The following ARL13B variants were observed in gnomAD, a reference collection of about 807,000 sequenced individuals.
ARL13B encodes the protein ARF like GTPase 13B, also known as ADP-ribosylation factor-like protein 13B.
In ARL13B, 36 loss-of-function variants were observed where a neutral mutation model predicts 56.1. The ratio of observed to expected loss-of-function variants is 0.64; its 90% CI spans 0.49 to 0.85. The LOEUF (loss-of-function observed/expected upper bound fraction) is 0.85. Among genes scored for constraint, ARL13B ranks in the 40% least tolerant of loss-of-function variants. The pLI is 0.00. For synonymous variants in ARL13B, 178 were observed against 171.1 expected, an observed-to-expected ratio of 1.04 and a Z score of -0.32; for missense variants, 519 against 507.1, an observed-to-expected ratio of 1.02 and a Z score of -0.23.
chr3:94,009,006 A>G (rs1452897062), intron 3 of ARL13B, among the ~76,000 whole-genome samples: 2 of 152,088 alleles, frequency 1.3e-5, no homozygotes, highest in Non-Finnish European at 2.9e-5. Context: ...GAGCATTCCA[A>G]TTAAAAAGTT....
intron 3 of ARL13B, among the ~76,000 whole-genome samples, chr3:94,015,603 A>G (rs879395474): frequency 1.3e-5 from 2 of 152,240 alleles, no homozygotes; most frequent in Non-Finnish European, 2.9e-5. Flanking sequence ...AATGCTTTTG[A>G]CTATACCTTC....
rs2077055401 is a variant in ARL13B, at chr3:94,050,857, C to CA, written c.1179dup (p.Leu394ThrfsTer2). ...GGAACCCCTAAAGTCACTAGACTTC[C>CA]AAAACTTGAGCCTCTTGGTGAAACA... On this transcript the variant is annotated frameshift_variant, in exon 9 of 10. Coordinates refer to ENST00000394222, the MANE Select transcript of ARL13B (RefSeq NM_001174150.2). LOFTEE classifies it high-confidence loss of function. 1.9e-6 allele frequency: 3 copies of CA among 1,612,776 alleles called. No individual in the cohort carries two copies.
intron 6 of ARL13B, among the ~76,000 whole-genome samples, chr3:94,042,256 C>T (rs182633098): frequency 6.6e-6 from 1 of 151,954 alleles, no homozygotes; most frequent in African/African-American, 2.4e-5. Flanking sequence ...GCCTGAGGTT[C>T]ATTGATTCAT....
intron 3 of ARL13B, among the ~76,000 whole-genome samples, chr3:94,018,736 C>T (rs13100168): frequency 0.081 from 12,319 of 152,136 alleles, 624 homozygotes; most frequent in Middle Eastern, 0.19. Flanking sequence ...CTCTATTTTT[C>T]CAGTTGCTCA....
chr3:94,042,969 A>C (rs775171512), intron 6 of ARL13B, 46 bp from the exon 7 acceptor site: 1 of 1,466,990 alleles, frequency 6.8e-7, no homozygotes, highest in Admixed American at 2.0e-5. Context: ...AAACTATCTT[A>C]GATAAAACCA....
chr3:94,026,261 T>G (rs570126021), intron 3 of ARL13B, among the ~76,000 whole-genome samples: 2 of 152,208 alleles, frequency 1.3e-5, no homozygotes, highest in African/African-American at 4.8e-5. Flanking sequence ...ACTCTAAAAT[T>G]TAGTGATGTT....
At chr3:94,019,428 C>T (rs938883372) in intron 3 of ARL13B, among the ~76,000 whole-genome samples, 1 of 152,092 alleles carries the variant, frequency 6.6e-6, no homozygotes, top group Admixed American at 6.5e-5. Flanking sequence ...AACTCTTGAC[C>T]TCATGATCCG....
intron 3 of ARL13B, among the ~76,000 whole-genome samples, chr3:94,022,880 T>TACCAAAG (rs2076478595): frequency 6.6e-6 from 1 of 152,060 alleles, no homozygotes; most frequent in Non-Finnish European, 1.5e-5. Flanking sequence ...CCTGCTTAAT[T>TACCAAAG]TTGTACATAC....
At chr3:94,045,959 A>G (rs1163518146) in intron 7 of ARL13B, among the ~76,000 whole-genome samples, 2 of 146,038 alleles carry the variant, frequency 1.4e-5, no homozygotes, top group South Asian at 2.2e-4. Context: ...ACAAAAAAAA[A>G]AAAAAAAAGA....
intron 3 of ARL13B, among the ~76,000 whole-genome samples, chr3:94,022,421 C>T (rs567471822): frequency 1.1e-3 from 172 of 152,188 alleles, no homozygotes; most frequent in African/African-American, 3.8e-3. Flanking sequence ...CCACCGCACC[C>T]GGCTGCTTTT....
At chr3:94,015,216 A>G (rs1450224402) in intron 3 of ARL13B, 1 of 1,596,046 alleles carries the variant, frequency 6.3e-7, no homozygotes, top group Admixed American at 1.8e-5. Context: ...GACTGTCTCT[A>G]GAGAGTTCAA....
At chr3:94,023,960 A>T (rs567545686) in intron 3 of ARL13B, among the ~76,000 whole-genome samples, 1 of 152,296 alleles carries the variant, frequency 6.6e-6, no homozygotes, top group East Asian at 1.9e-4. Context: ...AATAATTTGG[A>T]TCTCACAGAC....
At chr3:94,029,289 A>C (rs1236373790) in intron 3 of ARL13B, among the ~76,000 whole-genome samples, 1 of 131,358 alleles carries the variant, frequency 7.6e-6, no homozygotes, top group Non-Finnish European at 1.6e-5. Flanking sequence ...AAATTGCTGT[A>C]TCTATCAAAA....
chr3:94,014,082 G>A (rs1311059587), intron 3 of ARL13B, among the ~76,000 whole-genome samples: 1 of 152,188 alleles, frequency 6.6e-6, no homozygotes, highest in East Asian at 1.9e-4. Context: ...TGAGAGAAAT[G>A]TATAATATAG....
Position 94,023,212 on chromosome 3 carries a change from A to T in ARL13B, c.381-12119A>T, listed in dbSNP as rs958103872. 2.0e-5 allele frequency among the ~76,000 whole-genome samples: 3 copies of T among 152,236 alleles called. No individual in the cohort carries two copies. In the East Asian group the frequency reaches 5.8e-4, roughly 29 times the overall value. On this transcript the variant is annotated intron_variant, in intron 3 of 9. Coordinates refer to ENST00000394222, the MANE Select transcript of ARL13B (RefSeq NM_001174150.2). ...TACTTGAATACTATATTTTCTGTGG[A>T]TATAAGTTTCAGTTGGAAATTATAT...
chr3:94,004,066 T>C (rs1389510488), intron 3 of ARL13B, among the ~76,000 whole-genome samples, 158 bp downstream of exon 3: 1 of 152,118 alleles, frequency 6.6e-6, no homozygotes, highest in East Asian at 1.9e-4. Context: ...TGAGGCCTTG[T>C]TATAGTGCTG....
intron 2 of ARL13B, among the ~76,000 whole-genome samples, chr3:93,999,516 G>T (rs2076020222): frequency 6.6e-6 from 1 of 152,004 alleles, no homozygotes; most frequent in Non-Finnish European, 1.5e-5. Flanking sequence ...GGCATGCAAG[G>T]CATAATAATT....
intron 9 of ARL13B, among the ~76,000 whole-genome samples, chr3:94,051,462 C>T (rs753283876): frequency 6.6e-6 from 1 of 152,068 alleles, no homozygotes; most frequent in African/African-American, 2.4e-5. Flanking sequence ...TTGAATATAA[C>T]ATACGCTATA....
chr3:93,980,398 G>A lies in ARL13B; in HGVS notation c.-26G>A, dbSNP rs1710149743. 3 of 1,610,932 alleles carry A rather than the reference G, an allele frequency of 1.9e-6. No homozygotes were observed. The highest frequency in any genetic ancestry group is 2.7e-5 in the African/African-American group (2 of 75,028). On this transcript the variant is annotated 5_prime_UTR_variant, in exon 1 of 10. Transcript: ENST00000394222. ...CCGGTGTCCGCTCCGGGCTCGGATG[G>A]GAAGTGGTGGGAGGAGCGACCCGGG...
Sources: allele counts gnomAD v4.1 joint callset (sites outside exome capture counted in the v4.1 genomes callset), GRCh38; gene constraint gnomAD v4.1.1; transcripts MANE v1.5; gene names NCBI Gene and HGNC (gene_info 2026-07-23, HGNC 2026-07-21).